The following COL21A1 variants were observed in gnomAD, a reference collection of about 807,000 sequenced individuals.
COL21A1 encodes collagen alpha-1(XXI) chain.
In COL21A1, 149 loss-of-function variants were observed where a neutral mutation model predicts 137.9. The ratio of observed to expected loss-of-function variants is 1.08; its 90% CI spans 0.95 to 1.24. The LOEUF (loss-of-function observed/expected upper bound fraction) is 1.24, where lower values mean the gene tolerates loss of function less well. Among genes scored for constraint, COL21A1 ranks in the 50% most tolerant of loss-of-function variants. The probability of loss-of-function intolerance (pLI) is 0.00; values close to 1 mark genes in which losing one functional copy is unlikely to be tolerated. For synonymous variants in COL21A1, 456 were observed against 391.5 expected, an observed-to-expected ratio of 1.16 and a Z score of -1.95; for missense variants, 1,167 against 1,158.4, an observed-to-expected ratio of 1.01 and a Z score of -0.11.
At chr6:56,374,947 A>C (rs1216432207) in intron 1 of COL21A1, among the ~76,000 whole-genome samples, 1 of 151,958 alleles carries the variant, frequency 6.6e-6, no homozygotes, top group African/African-American at 2.4e-5. Flanking sequence ...ATTTGCCAGG[A>C]AACTTTGCTG....
chr6:56,280,715 C>T (rs1763769186), intron 1 of COL21A1, among the ~76,000 whole-genome samples: 2 of 152,072 alleles, frequency 1.3e-5, no homozygotes. Context: ...CTTATAGGGT[C>T]GAAACAATTC....
At chr6:56,121,242 G>T (rs1772474221) in intron 16 of COL21A1, among the ~76,000 whole-genome samples, 1 of 151,912 alleles carries the variant, frequency 6.6e-6, no homozygotes. Flanking sequence ...AAAAGACATG[G>T]GGGAACTTTA....
intron 1 of COL21A1, among the ~76,000 whole-genome samples, chr6:56,213,178 T>TA (rs143462066): frequency 0.014 from 2,058 of 152,084 alleles, 44 homozygotes; most frequent in African/African-American, 0.046. Context: ...TAGTCTTATT[T>TA]AAAAAAAATT....
intron 1 of COL21A1, among the ~76,000 whole-genome samples, chr6:56,188,843 A>T (rs1345695779): frequency 6.6e-6 from 1 of 152,180 alleles, no homozygotes; most frequent in Non-Finnish European, 1.5e-5. Flanking sequence ...GGCAAACAGG[A>T]TGTGGAATGG....
chr6:56,104,576 C>T (rs547419497), intron 16 of COL21A1, among the ~76,000 whole-genome samples: 2 of 152,232 alleles, frequency 1.3e-5, no homozygotes, highest in African/African-American at 4.8e-5. Context: ...TAACCTGGTG[C>T]AGGTCAGTTT....
intron 17 of COL21A1, among the ~76,000 whole-genome samples, chr6:56,099,224 AT>A (rs765498868): frequency 0.036 from 4,048 of 111,992 alleles, 189 homozygotes; most frequent in African/African-American, 0.11. Flanking sequence ...CACAAACTAA[AT>A]TTTTTTTTTT....
rs557715855 is a variant in COL21A1, at chr6:56,081,930, G to A, written c.1813-4357C>T. On this transcript the variant is annotated intron_variant, in intron 17 of 29. Coordinates refer to ENST00000244728, the MANE Select transcript of COL21A1 (RefSeq NM_030820.4). ...AAAGTGTCACAAGTTTCACCTTATA[G>A]GCTACAAAAAAAGAGAACAAAGATA... Among the ~76,000 whole-genome samples the A allele has an allele frequency of 2.6e-5, 4 of 151,814 alleles. No individual in the cohort carries two copies. In the South Asian group the frequency reaches 6.2e-4, roughly 24 times the overall value.
intron 28 of COL21A1, 96 bp from the exon 29 acceptor site, chr6:56,059,338 G>A (rs78472317): frequency 0.014 from 10,831 of 752,762 alleles, 199 homozygotes; most frequent in African/African-American, 0.061. Context: ...AAAGAAAAAT[G>A]TCTTTTAAAA....
intron 1 of COL21A1, among the ~76,000 whole-genome samples, chr6:56,227,530 C>A (rs895642605): frequency 6.6e-6 from 1 of 151,984 alleles, no homozygotes; most frequent in Non-Finnish European, 1.5e-5. Flanking sequence ...ACTTCAGATC[C>A]TGTCTTGACA....
At chr6:56,265,097 A>C (rs1452366230) in intron 1 of COL21A1, among the ~76,000 whole-genome samples, 2 of 152,358 alleles carry the variant, frequency 1.3e-5, no homozygotes, top group East Asian at 3.9e-4. Flanking sequence ...TTATTTGAGC[A>C]GGAGGAGAGG....
intron 1 of COL21A1, among the ~76,000 whole-genome samples, chr6:56,307,860 G>A (rs1764508929): frequency 6.6e-6 from 1 of 152,054 alleles, no homozygotes; most frequent in African/African-American, 2.4e-5. Context: ...CGGCCATCTT[G>A]GCTCCACCCC....
At chr6:56,231,600 T>C (rs115650309) in intron 1 of COL21A1, among the ~76,000 whole-genome samples, 2,335 of 151,996 alleles carry the variant, frequency 0.015, 50 homozygotes, top group African/African-American at 0.051. Context: ...GCTACCATTC[T>C]ATTGTCTTAA....
intron 27 of COL21A1, 105 bp from the exon 28 acceptor site, chr6:56,060,323 A>G: frequency 1.1e-6 from 1 of 878,354 alleles, no homozygotes; most frequent in South Asian, 1.7e-5. Flanking sequence ...ACGAACATTG[A>G]ATATGTGCAT....
At chr6:56,323,079 C>A (rs944009245) in intron 1 of COL21A1, among the ~76,000 whole-genome samples, 3 of 152,008 alleles carry the variant, frequency 2.0e-5, no homozygotes, top group Non-Finnish European at 2.9e-5. Context: ...ACAATGTACA[C>A]TATTTGCGTG....
At chr6:56,214,053 T>C (rs1430770026) in intron 1 of COL21A1, among the ~76,000 whole-genome samples, 2 of 152,144 alleles carry the variant, frequency 1.3e-5, no homozygotes, top group African/African-American at 4.8e-5. Flanking sequence ...AAAATGTCCC[T>C]TGGAGTTAAA....
intron 17 of COL21A1, among the ~76,000 whole-genome samples, chr6:56,096,761 C>T (rs1325397898): frequency 1.3e-5 from 2 of 152,108 alleles, no homozygotes; most frequent in Non-Finnish European, 2.9e-5. Flanking sequence ...GAGCTTCTGT[C>T]CTTCCATGTG....
intron 1 of COL21A1, among the ~76,000 whole-genome samples, chr6:56,279,093 G>C (rs556400384): frequency 6.6e-6 from 1 of 152,258 alleles, no homozygotes; most frequent in African/African-American, 2.4e-5. Context: ...CTCATGAATG[G>C]TTTAGCACCA....
intron 10 of COL21A1, among the ~76,000 whole-genome samples, chr6:56,152,435 T>A (rs1459556604): frequency 6.6e-6 from 1 of 152,220 alleles, no homozygotes; most frequent in Non-Finnish European, 1.5e-5. Context: ...GATGTGGACA[T>A]CTTTGAGGGA....
At chr6:56,250,904 G>A (rs1238178427), upstream of COL21A1, among the ~76,000 whole-genome samples, 1 of 151,974 alleles carries the variant, frequency 6.6e-6, no homozygotes, top group Non-Finnish European at 1.5e-5. Context: ...TTACAAACTA[G>A]GAAAAAGAAT....
Sources: allele counts gnomAD v4.1 joint callset (sites outside exome capture counted in the v4.1 genomes callset), GRCh38; gene constraint gnomAD v4.1.1; transcripts MANE v1.5; gene names NCBI Gene and HGNC (gene_info 2026-07-23, HGNC 2026-07-21).